The following SYNDIG1 variants were observed in gnomAD, a reference collection of about 807,000 sequenced individuals.
The protein encoded by SYNDIG1 is synapse differentiation-inducing gene protein 1.
SYNDIG1 carries 9 observed loss-of-function variants against 19.4 expected under a neutral mutation model. The ratio of observed to expected loss-of-function variants is 0.46; its 90% CI spans 0.28 to 0.81. The LOEUF (loss-of-function observed/expected upper bound fraction) is 0.81, where lower values mean the gene tolerates loss of function less well. SYNDIG1 is among the 30% of genes least tolerant of loss of function. The probability of loss-of-function intolerance (pLI) is 0.12; values close to 1 mark genes in which losing one functional copy is unlikely to be tolerated. For missense variants in SYNDIG1, 311 were observed against 343.3 expected (o/e 0.91, Z 0.74); for synonymous variants, 141 against 145.9 (o/e 0.97, Z 0.24).
intron 1 of SYNDIG1, among the ~76,000 whole-genome samples, chr20:24,526,578 G>GAT (rs1351684639): frequency 6.6e-6 from 1 of 151,916 alleles, no homozygotes; most frequent in Non-Finnish European, 1.5e-5. Flanking sequence ...TAGAGAGAGA[G>GAT]ATATAGATAT....
chr20:24,508,866 G>C (rs926094854), intron 1 of SYNDIG1, among the ~76,000 whole-genome samples: 1 of 152,128 alleles, frequency 6.6e-6, no homozygotes, highest in Non-Finnish European at 1.5e-5. Flanking sequence ...AGGTGGAAGC[G>C]GGAGGCTGAA....
intron 3 of SYNDIG1, among the ~76,000 whole-genome samples, chr20:24,616,658 C>A (rs529311474): frequency 6.6e-6 from 1 of 152,218 alleles, no homozygotes; most frequent in Admixed American, 6.5e-5. Context: ...CAGAAAGGAG[C>A]AGGTGCAGGG....
At chr20:24,526,486 A>G (rs1354532273) in intron 1 of SYNDIG1, among the ~76,000 whole-genome samples, 1 of 152,166 alleles carries the variant, frequency 6.6e-6, no homozygotes, top group Non-Finnish European at 1.5e-5. Flanking sequence ...AAAGAATCTT[A>G]GCTCACCTCC....
chr20:24,612,062 A>G (rs1003572490), intron 3 of SYNDIG1, among the ~76,000 whole-genome samples: 1 of 152,218 alleles, frequency 6.6e-6, no homozygotes, highest in Non-Finnish European at 1.5e-5. Flanking sequence ...AGAATATCAC[A>G]TAGTTTATGT....
intron 1 of SYNDIG1, among the ~76,000 whole-genome samples, chr20:24,524,111 A>G (rs2057064849): frequency 6.6e-6 from 1 of 152,004 alleles, no homozygotes; most frequent in Non-Finnish European, 1.5e-5. Context: ...GTTTTTACTC[A>G]TCCTTGGAGG....
intron 1 of SYNDIG1, among the ~76,000 whole-genome samples, chr20:24,522,533 T>C (rs989181587): frequency 2.0e-5 from 3 of 152,214 alleles, no homozygotes; most frequent in African/African-American, 7.2e-5. Flanking sequence ...TCCCAACTTC[T>C]TAGGGATGTA....
intron 2 of SYNDIG1, among the ~76,000 whole-genome samples, chr20:24,557,684 ACCCGGC>A (rs2057851129): frequency 6.6e-6 from 1 of 152,016 alleles, no homozygotes; most frequent in South Asian, 2.1e-4. Context: ...TCAGAGGAGT[ACCCGGC>A]CATGTGAGGT....
At chr20:24,622,272 A>G (rs896531117) in intron 3 of SYNDIG1, among the ~76,000 whole-genome samples, 4 of 152,240 alleles carry the variant, frequency 2.6e-5, no homozygotes, top group African/African-American at 7.2e-5. Context: ...TGGCTGAAGA[A>G]TCAGTGACCT....
intron 3 of SYNDIG1, among the ~76,000 whole-genome samples, chr20:24,639,481 G>A (rs1352683557): frequency 2.0e-5 from 3 of 152,186 alleles, no homozygotes. Context: ...GCATCTCCGG[G>A]GATGGGAGAC....
At chr20:24,570,467 C>A (rs2058123886) in intron 2 of SYNDIG1, among the ~76,000 whole-genome samples, 1 of 152,104 alleles carries the variant, frequency 6.6e-6, no homozygotes, top group Admixed American at 6.5e-5. Flanking sequence ...GAAATTGCAA[C>A]CATCTAGTTT....
At chr20:24,537,523 A>G (rs996377947) in intron 1 of SYNDIG1, among the ~76,000 whole-genome samples, 3 of 151,720 alleles carry the variant, frequency 2.0e-5, no homozygotes, top group South Asian at 4.2e-4. Context: ...TTTTCCCTGT[A>G]TGGTATACAG....
intron 2 of SYNDIG1, among the ~76,000 whole-genome samples, chr20:24,584,317 G>A (rs565211411): frequency 1.2e-4 from 19 of 152,344 alleles, no homozygotes; most frequent in Admixed American, 3.3e-4. Flanking sequence ...AATGTCCTCC[G>A]TCGATCCACA....
intron 1 of SYNDIG1, among the ~76,000 whole-genome samples, chr20:24,503,259 T>G (rs1400741451): frequency 6.6e-6 from 1 of 152,212 alleles, no homozygotes; most frequent in Non-Finnish European, 1.5e-5. Context: ...TGCACGGTAC[T>G]TATCACGCAA....
intron 3 of SYNDIG1, among the ~76,000 whole-genome samples, chr20:24,644,804 G>A (rs1323091396): frequency 6.6e-6 from 1 of 152,212 alleles, no homozygotes; most frequent in East Asian, 1.9e-4. Context: ...AGTGGTGGTT[G>A]TCTTAAGCCA....
Position 24,660,486 on chromosome 20 carries a change from G to A in SYNDIG1, c.619-4860G>A, listed in dbSNP as rs533109169. Among the ~76,000 whole-genome samples, 8 of 152,252 alleles carry A rather than the reference G, an allele frequency of 5.3e-5. No individual in the cohort carries two copies. The South Asian group carries it at 1.7e-3, about 32-fold the overall frequency. ...TTGGGCATGGCTGCACACACAGCAG[G>A]CCTGGCCTCAGGAGGAAGGGCCTCC... On this transcript the variant is annotated intron_variant, in intron 3 of 3. Transcript: ENST00000376862.
intron 2 of SYNDIG1, among the ~76,000 whole-genome samples, chr20:24,546,737 G>T (rs985763812): frequency 2.6e-5 from 4 of 152,052 alleles, no homozygotes; most frequent in Non-Finnish European, 5.9e-5. Context: ...AACAAATTGG[G>T]TGCCAGTACT....
chr20:24,536,750 C>A (rs1232198982), intron 1 of SYNDIG1, among the ~76,000 whole-genome samples: 1 of 152,110 alleles, frequency 6.6e-6, no homozygotes, highest in Middle Eastern at 3.2e-3. Flanking sequence ...CAGGGAGGAC[C>A]CTGTGATCTG....
At chr20:24,665,156 C>G (rs917059763) in intron 3 of SYNDIG1, among the ~76,000 whole-genome samples, 190 bp from the exon 4 acceptor site, 4 of 152,100 alleles carry the variant, frequency 2.6e-5, no homozygotes, top group African/African-American at 9.7e-5. Context: ...GCAGCAGGCC[C>G]CAGCCCCACA....
intron 2 of SYNDIG1, among the ~76,000 whole-genome samples, chr20:24,571,819 T>A (rs1373993925): frequency 1.3e-5 from 2 of 152,190 alleles, no homozygotes; most frequent in Non-Finnish European, 2.9e-5. Flanking sequence ...CCATTGACAG[T>A]TTTTTTGAAG....
Sources: allele counts gnomAD v4.1 joint callset (sites outside exome capture counted in the v4.1 genomes callset), GRCh38; gene constraint gnomAD v4.1.1; transcripts MANE v1.5; gene names NCBI Gene and HGNC (gene_info 2026-07-23, HGNC 2026-07-21).